MACO1: variants seen among roughly 807,000 people sequenced by gnomAD.
MACO1 encodes macoilin 1.
MACO1 carries 14 observed loss-of-function variants against 78.7 expected under a neutral mutation model. That is an observed-to-expected ratio of 0.18 (90% CI 0.12 to 0.28). MACO1 has a LOEUF of 0.28. MACO1 is among the 10% of genes least tolerant of loss of function. The pLI is 1.00. For synonymous variants in MACO1, 288 were observed against 291.6 expected (o/e 0.99, Z 0.12); for missense variants, 501 against 799.0 (o/e 0.63, Z 4.50).
At chr1:25,450,080 G>T (rs557090475) in intron 3 of MACO1, among the ~76,000 whole-genome samples, 4 of 151,936 alleles carry the variant, frequency 2.6e-5, no homozygotes, top group Non-Finnish European at 5.9e-5. Context: ...CCAGACCATC[G>T]CCTCAATCCC....
At chr1:25,446,641 T>G in intron 1 of MACO1, 121 bp from the exon 2 acceptor site, 1 of 989,260 alleles carries the variant, frequency 1.0e-6, no homozygotes, top group Non-Finnish European at 1.4e-6. Context: ...GTGCTTTATC[T>G]CCATTGTTTT....
At chr1:25,435,891 A>G (rs554920289) in intron 1 of MACO1, among the ~76,000 whole-genome samples, 1 of 152,314 alleles carries the variant, frequency 6.6e-6, no homozygotes, top group South Asian at 2.1e-4. Context: ...TGGGATGAAA[A>G]AGCACTTTCC....
At chr1:25,449,864 C>G (rs766787185) in intron 3 of MACO1, among the ~76,000 whole-genome samples, 1 of 152,054 alleles carries the variant, frequency 6.6e-6, no homozygotes, top group Non-Finnish European at 1.5e-5. Context: ...ACTAAAAATA[C>G]AAAAATTAGC....
At chr1:25,479,807 T>G (rs974087666) in intron 6 of MACO1, among the ~76,000 whole-genome samples, 1 of 152,210 alleles carries the variant, frequency 6.6e-6, no homozygotes, top group Non-Finnish European at 1.5e-5. Context: ...AGTACGTCCA[T>G]ACAATGGAAT....
chr1:25,440,561 G>C (rs908739048), intron 1 of MACO1, among the ~76,000 whole-genome samples: 9 of 151,992 alleles, frequency 5.9e-5, no homozygotes, highest in African/African-American at 2.2e-4. Flanking sequence ...CTGAGGTCAG[G>C]AGTTCGAGAC....
intron 6 of MACO1, among the ~76,000 whole-genome samples, chr1:25,477,063 A>G (rs1228500988): frequency 1.3e-5 from 2 of 152,230 alleles, no homozygotes; most frequent in Non-Finnish European, 2.9e-5. Context: ...TTAGAAATAC[A>G]ATACAGTCAC....
chr1:25,455,813 A>G (rs796731377), intron 4 of MACO1, among the ~76,000 whole-genome samples: 2 of 152,318 alleles, frequency 1.3e-5, no homozygotes, highest in African/African-American at 4.8e-5. Context: ...ATAGCTGGTG[A>G]CAGTACCCCT....
chr1:25,472,434 A>C (rs76755319), intron 6 of MACO1, among the ~76,000 whole-genome samples: 10,976 of 143,864 alleles, frequency 0.076, 1,316 homozygotes, highest in African/African-American at 0.26. Context: ...CTCATTGTTC[A>C]TCTCCCACTT....
chr1:25,496,001 C>A (rs976392978), intron 10 of MACO1, among the ~76,000 whole-genome samples: 1 of 152,090 alleles, frequency 6.6e-6, no homozygotes, highest in Non-Finnish European at 1.5e-5. Flanking sequence ...GCTTTCATCT[C>A]TACTACATCC....
At chr1:25,454,489 T>TATATATATATATA (rs371533394) in intron 4 of MACO1, 107 bp downstream of exon 4, 399 of 89,358 alleles carry the variant, frequency 4.5e-3, no homozygotes, top group African/African-American at 0.015. Context: ...TATATATATA[T>TATATATATATATA]TTTTTTTTTT....
At chr1:25,442,283 A>G (rs1335239415) in intron 1 of MACO1, among the ~76,000 whole-genome samples, 3 of 152,238 alleles carry the variant, frequency 2.0e-5, no homozygotes, top group African/African-American at 7.2e-5. Context: ...TGGATAACAG[A>G]AAAGATAAAG....
At chr1:25,444,200 A>G (rs1275275368) in intron 1 of MACO1, among the ~76,000 whole-genome samples, 1 of 151,500 alleles carries the variant, frequency 6.6e-6, no homozygotes, top group Non-Finnish European at 1.5e-5. Flanking sequence ...TGGAGGTTGC[A>G]GTGAGCTGAA....
At chr1:25,451,872 TCACTGCACTCCAGCACTC>T (rs2043069483) in intron 3 of MACO1, among the ~76,000 whole-genome samples, 2 of 149,080 alleles carry the variant, frequency 1.3e-5, no homozygotes, top group African/African-American at 5.0e-5. Flanking sequence ...CACCTGTACT[TCACTGCACTCCAGCACTC>T]CACTGCACTC....
In MACO1 at chr1:25,498,433, C is replaced by T. The variant is rs1459503159; in HGVS notation, c.1962C>T (p.Pro654=). Residue 654 remains proline, a synonymous_variant, in exon 11 of 11, where the codon CCC becomes CCT. Coordinates refer to ENST00000374343, the MANE Select transcript of MACO1 (RefSeq NM_018202.6). ...AGACCAGCCCCTCTGGACTTGACCC[C>T]AATGCCTCTGTTTACCAGCCCCTGA... ...FVETSPSGLD[P]NASVYQPLKK is the part of the protein sequence containing the mutation. The T allele has an allele frequency of 1.1e-5, 17 of 1,613,096 alleles. No homozygotes were observed. In the East Asian group the frequency reaches 3.8e-4, roughly 36 times the overall value.
At chr1:25,477,614 C>G (rs1334538387) in intron 6 of MACO1, among the ~76,000 whole-genome samples, 1 of 152,186 alleles carries the variant, frequency 6.6e-6, no homozygotes, top group Admixed American at 6.5e-5. Context: ...TGGGTATGGG[C>G]TGTGACTCAT....
chr1:25,496,819 G>A (rs1223487475), intron 10 of MACO1, among the ~76,000 whole-genome samples: 2 of 152,160 alleles, frequency 1.3e-5, no homozygotes, highest in East Asian at 3.8e-4. Flanking sequence ...AATGCTGTAG[G>A]TAGGAGTGTA....
At chr1:25,439,559 G>A (rs921100442) in intron 1 of MACO1, among the ~76,000 whole-genome samples, 5 of 152,080 alleles carry the variant, frequency 3.3e-5, no homozygotes, top group African/African-American at 1.2e-4. Context: ...ATATAGAACA[G>A]CTTGGTCTTC....
intron 5 of MACO1, 43 bp from the exon 6 acceptor site, chr1:25,458,348 C>A: frequency 6.5e-7 from 1 of 1,529,876 alleles, no homozygotes; most frequent in Non-Finnish European, 8.7e-7. Flanking sequence ...CTAAATATTC[C>A]GGTGGGGGCT....
Position 25,499,559 on chromosome 1 carries a change from G to C in MACO1, c.*1093G>C, listed in dbSNP as rs977826924. 2.7e-5 allele frequency: 4 copies of C among 148,246 alleles called. No individual in the cohort carries two copies. Among genetic ancestry groups the C allele is most frequent in the African/African-American group, 1.0e-4 (4 of 38,418 alleles). The allele number at this position is 148,246 out of a possible 1,614,324, so 9.2% of individuals were successfully genotyped here. On this transcript the variant is annotated 3_prime_UTR_variant, in exon 11 of 11. Transcript: ENST00000374343. ...TATTCCTCAGCTCTTGTGCCAAGGA[G>C]GGTTTTTTTTTTTTAAGACTCTTAA...
Sources: allele counts gnomAD v4.1 joint callset (sites outside exome capture counted in the v4.1 genomes callset), GRCh38; gene constraint gnomAD v4.1.1; transcripts MANE v1.5; gene names NCBI Gene and HGNC (gene_info 2026-07-23, HGNC 2026-07-21).